The following SLC25A17 variants were observed in gnomAD, a reference collection of about 807,000 sequenced individuals.
SLC25A17 encodes the protein peroxisomal membrane protein PMP34.
A neutral mutation model predicts 38.5 loss-of-function variants in SLC25A17; 26 were observed. The ratio of observed to expected loss-of-function variants is 0.68; its 90% CI spans 0.50 to 0.94. The LOEUF (loss-of-function observed/expected upper bound fraction) is 0.94, where lower values mean the gene tolerates loss of function less well. Among genes scored for constraint, SLC25A17 ranks in the 40% least tolerant of loss-of-function variants. SLC25A17 has a pLI of 0.00. For synonymous variants in SLC25A17, 139 were observed against 136.2 expected (o/e 1.02, Z -0.14); for missense variants, 333 against 372.7 (o/e 0.89, Z 0.88).
intron 1 of SLC25A17, among the ~76,000 whole-genome samples, chr22:40,817,533 T>C (rs915956618): frequency 5.9e-5 from 9 of 152,178 alleles, no homozygotes; most frequent in Admixed American, 3.9e-4. Context: ...CTTCACAGCC[T>C]CTGCCATCCC....
At chr22:40,772,889 T>G (rs909565661) in intron 8 of SLC25A17, among the ~76,000 whole-genome samples, 1 of 152,166 alleles carries the variant, frequency 6.6e-6, no homozygotes, top group African/African-American at 2.4e-5. Context: ...TCCTCCTGTC[T>G]CAGCCTTCCA....
At chr22:40,793,857 T>G (rs1030835110) in intron 3 of SLC25A17, among the ~76,000 whole-genome samples, 1 of 152,174 alleles carries the variant, frequency 6.6e-6, no homozygotes, top group Non-Finnish European at 1.5e-5. Flanking sequence ...GTGATCCGCC[T>G]GCCTCGGCCT....
At chr22:40,808,640 C>T (rs1335747356) in intron 1 of SLC25A17, among the ~76,000 whole-genome samples, 1 of 152,220 alleles carries the variant, frequency 6.6e-6, no homozygotes, top group Non-Finnish European at 1.5e-5. Flanking sequence ...CTACGCATCT[C>T]TGTACAATGT....
At chr22:40,816,873 A>C (rs1457830582) in intron 1 of SLC25A17, among the ~76,000 whole-genome samples, 1 of 152,050 alleles carries the variant, frequency 6.6e-6, no homozygotes, top group African/African-American at 2.4e-5. Context: ...AGCCTCCCAA[A>C]GTGCTGGGAT....
rs575315967 is a variant in SLC25A17 at position 40,792,827 on chromosome 22, A to C, written c.183-151T>G. 124 of 594,312 alleles carry C rather than the reference A, an allele frequency of 2.1e-4. No homozygotes were observed. In the South Asian group the frequency reaches 3.2e-3, roughly 15 times the overall value. The allele number at this position is 594,312 out of a possible 1,614,324, so 36.8% of individuals were successfully genotyped here. A position where few individuals can be genotyped will look rare whatever the true frequency, so the allele number is the denominator to read the frequency against. On this transcript the variant is annotated intron_variant, in intron 3 of 8. Transcript: ENST00000435456. ...ACTCCAAACTGTACACACACCTCAC[A>C]TTCTGAAGGATGTCCAAATCAAGAA...
chr22:40,805,564 GGAA>G (rs547810076), intron 1 of SLC25A17, among the ~76,000 whole-genome samples: 403 of 152,242 alleles, frequency 2.6e-3, no homozygotes, highest in Non-Finnish European at 4.2e-3. Flanking sequence ...GGAACATACT[GGAA>G]GAAGAAGAAT....
At chr22:40,808,624 C>G (rs961044746) in intron 1 of SLC25A17, among the ~76,000 whole-genome samples, 2 of 152,222 alleles carry the variant, frequency 1.3e-5, no homozygotes, top group African/African-American at 4.8e-5. Flanking sequence ...GTTTCCATTT[C>G]TCATGCTACG....
At position 40,816,767 on chromosome 22, in the gene SLC25A17, T is replaced by C. The variant is rs984505697; in HGVS notation, c.54+2428A>G. On this transcript the variant is annotated intron_variant, in intron 1 of 8. Transcript: ENST00000435456. Reference sequence around the variant, plus strand: ...CTGGGATTACAGGCGCCCACCACCATGCCTGGCTACTTTTTGTATTTTTAG... The same window carrying C: ...CTGGGATTACAGGCGCCCACCACCACGCCTGGCTACTTTTTGTATTTTTAG... Among the ~76,000 whole-genome samples the C allele has an allele frequency of 1.1e-4, 16 of 152,044 alleles. 1 individual carries two copies. The highest frequency in any genetic ancestry group is 1.9e-4 in the East Asian group (1 of 5,192).
chr22:40,812,961 C>T (rs1005278265), intron 1 of SLC25A17, among the ~76,000 whole-genome samples: 9 of 152,290 alleles, frequency 5.9e-5, no homozygotes, highest in Admixed American at 3.3e-4. Context: ...AAGCCACTTA[C>T]AATGGCTTTC....
At position 40,789,331 on chromosome 22, in the gene SLC25A17, CAG is replaced by C. The variant is rs2057365282; in HGVS notation, c.334+3192_334+3193del. The C allele has an allele frequency of 6.5e-6, 1 of 153,014 alleles. No individual in the cohort carries two copies. Among genetic ancestry groups the C allele is most frequent in the African/African-American group, 2.4e-5 (1 of 41,458 alleles). The allele number at this position is 153,014 out of a possible 1,614,324, so 9.5% of individuals were successfully genotyped here. Reference sequence around the variant, plus strand: ...TCCACGCGGTGCCCGGACCCCGGACCAGCCACGGGGTGGGAAGGGGCGTGAGC... The same window carrying C: ...TCCACGCGGTGCCCGGACCCCGGACCCCACGGGGTGGGAAGGGGCGTGAGC... On this transcript the variant is annotated intron_variant, in intron 4 of 8. Coordinates refer to ENST00000435456, the MANE Select transcript of SLC25A17 (RefSeq NM_006358.4). This position sits in a 1 kb window ranked among gnomAD's most constrained non-coding sequence, Gnocchi z 4.5.
chr22:40,806,281 A>G (rs1293927265), intron 1 of SLC25A17, among the ~76,000 whole-genome samples: 1 of 152,210 alleles, frequency 6.6e-6, no homozygotes, highest in Admixed American at 6.5e-5. Context: ...ACATGTATGG[A>G]TTTCTTTTAG....
intron 4 of SLC25A17, among the ~76,000 whole-genome samples, chr22:40,787,080 T>C (rs927677070): frequency 9.2e-5 from 14 of 152,176 alleles, no homozygotes; most frequent in African/African-American, 3.4e-4. Context: ...GTAGATGCCA[T>C]GTTGGAGCAC....
rs1465667195 is a variant in SLC25A17, at chr22:40,773,948, G to A, written c.765C>T (p.His255=). ...TCTACAAAGCTCACCTTACTCGTTG[G>A]TGAAGAAGATAGAGAATATTCCGAA... ...GSLRNILYLL[H]QRVRRFGIMG... Residue 255 remains histidine (H), a synonymous_variant, in exon 8 of 9, where the codon CAC becomes CAT. Transcript: ENST00000435456. 1.9e-6 allele frequency: 3 copies of A among 1,607,798 alleles called. No individual in the cohort carries two copies. The highest frequency in any genetic ancestry group is 1.7e-5 in the Admixed American group (1 of 59,996).
Position 40,770,876 on chromosome 22 carries a change from G to A in SLC25A17, c.882C>T (p.Ala294=), listed in dbSNP as rs1487622153. The change falls in exon 9 of 9, where the codon GCC becomes GCT. Residue 294 remains alanine, a synonymous_variant. Transcript: ENST00000435456. ...GCTTCAGCCCCATAACTGTGAAGGT[G>A]GCAGCTGTCAGTTTCTCATAAACAA... ...MFLVYEKLTA[A]TFTVMGLKRA... The A allele has an allele frequency of 1.2e-6, 2 of 1,613,350 alleles. No individual in the cohort carries two copies. The highest frequency in any genetic ancestry group is 4.5e-5 in the East Asian group (2 of 44,858).
chr22:40,792,099 G>A (rs1259547664), intron 4 of SLC25A17, among the ~76,000 whole-genome samples: 1 of 152,150 alleles, frequency 6.6e-6, no homozygotes, highest in Non-Finnish European at 1.5e-5. Flanking sequence ...ATGGATGAAA[G>A]TAGAAGACAT....
chr22:40,791,289 T>C lies in SLC25A17; in HGVS notation c.334+1236A>G, dbSNP rs12158189. Among the ~76,000 whole-genome samples the C allele has an allele frequency of 3.6e-3, 545 of 152,154 alleles. 5 individuals carry two copies. Among genetic ancestry groups the C allele is most frequent in the African/African-American group, 0.013 (524 of 41,522 alleles). ...CTGAGTTATTTATCCAAAATTCAAC[T>C]TCTCTCCCCTTCTCTCTAAGCACAT... is the stretch of plus-strand genomic sequence containing the variant. On this transcript the variant is annotated intron_variant, in intron 4 of 8. Coordinates refer to ENST00000435456, the MANE Select transcript of SLC25A17 (RefSeq NM_006358.4).
At chr22:40,806,448 A>C (rs748064583) in intron 1 of SLC25A17, among the ~76,000 whole-genome samples, 2 of 152,222 alleles carry the variant, frequency 1.3e-5, no homozygotes, top group Non-Finnish European at 2.9e-5. Context: ...TTAAATGCTT[A>C]GCTGAGCTTG....
chr22:40,817,822 T>A (rs1256991132), intron 1 of SLC25A17, among the ~76,000 whole-genome samples: 2 of 152,136 alleles, frequency 1.3e-5, no homozygotes, highest in Non-Finnish European at 2.9e-5. Flanking sequence ...CCCTGAAACC[T>A]ATTTGCCTCT....
At chr22:40,799,454 C>T (rs1411867358) in intron 1 of SLC25A17, 2 of 154,402 alleles carry the variant, frequency 1.3e-5, no homozygotes, top group African/African-American at 4.9e-5. Context: ...ACCTCCGCCT[C>T]CCAGGTCCAA....
Sources: allele counts gnomAD v4.1 joint callset (sites outside exome capture counted in the v4.1 genomes callset), GRCh38; gene constraint gnomAD v4.1.1; non-coding constraint Gnocchi (gnomAD v3.1); transcripts MANE v1.5; gene names NCBI Gene and HGNC (gene_info 2026-07-23, HGNC 2026-07-21).